Variants in FBXL20 observed in about 807,000 individuals in gnomAD.
FBXL20 encodes F-box/LRR-repeat protein 20.
In FBXL20, 11 loss-of-function variants were observed where a neutral mutation model predicts 64.0. That is an observed-to-expected ratio of 0.17 (90% CI 0.11 to 0.28). FBXL20 has a LOEUF of 0.28. FBXL20 is among the 10% of genes least tolerant of loss of function. The probability of loss-of-function intolerance (pLI) is 1.00; values close to 1 mark genes in which losing one functional copy is unlikely to be tolerated. For synonymous variants in FBXL20, 184 were observed against 189.0 expected (o/e 0.97, Z 0.22); for missense variants, 303 against 526.2 (o/e 0.58, Z 4.15).
At chr17:39,304,346 G>C (rs550082692) in intron 2 of FBXL20, among the ~76,000 whole-genome samples, 4 of 152,152 alleles carry the variant, frequency 2.6e-5, no homozygotes, top group Non-Finnish European at 5.9e-5. Context: ...TGAGTGCAGT[G>C]GCACAATCAC....
intron 9 of FBXL20, among the ~76,000 whole-genome samples, chr17:39,276,748 CAACT>C (rs948750008): frequency 3.3e-5 from 5 of 152,078 alleles, no homozygotes; most frequent in African/African-American, 1.2e-4. Context: ...GTTTTCTAAC[CAACT>C]GAGTAATTTG....
chr17:39,340,667 A>G (rs2047573731), intron 2 of FBXL20, among the ~76,000 whole-genome samples: 3 of 152,128 alleles, frequency 2.0e-5, no homozygotes, highest in Admixed American at 6.6e-5. Flanking sequence ...GTATGACACT[A>G]TTTCAAAATG....
chr17:39,307,442 G>A (rs1175596250), intron 2 of FBXL20, among the ~76,000 whole-genome samples: 1 of 152,146 alleles, frequency 6.6e-6, no homozygotes, highest in African/African-American at 2.4e-5. Flanking sequence ...ACGAAATAGT[G>A]GGTGTATGAC....
intron 1 of FBXL20, among the ~76,000 whole-genome samples, chr17:39,377,913 T>G (rs2047983670): frequency 6.6e-6 from 1 of 152,136 alleles, no homozygotes; most frequent in African/African-American, 2.4e-5. Context: ...CACAGGAGGA[T>G]GAGGTGGTAG....
At chr17:39,358,187 GAGGC>G (rs2047760625) in intron 1 of FBXL20, among the ~76,000 whole-genome samples, 1 of 152,174 alleles carries the variant, frequency 6.6e-6, no homozygotes, top group African/African-American at 2.4e-5. Context: ...AGCTCAAGGA[GAGGC>G]AGTATTCTCC....
rs1482354674 is a variant in FBXL20, at chr17:39,295,585, C to A, written c.398+1542G>T. Among the ~76,000 whole-genome samples, 4 of 152,058 alleles carry A rather than the reference C, an allele frequency of 2.6e-5. No individual in the cohort carries two copies. The East Asian group carries it at 7.7e-4, about 29-fold the overall frequency. On this transcript the variant is annotated intron_variant, in intron 6 of 14. Coordinates refer to ENST00000264658, the MANE Select transcript of FBXL20 (RefSeq NM_032875.3). The stretch of plus-strand genomic sequence containing the variant: ...ATGTGTTTTTAATTTGTAGGGATTG[C>A]TTTCATTTCTTTTTGACTTAATTTT...
chr17:39,352,047 G>A (rs767445954), intron 1 of FBXL20, among the ~76,000 whole-genome samples: 8 of 152,260 alleles, frequency 5.3e-5, no homozygotes, highest in Non-Finnish European at 1.0e-4. Flanking sequence ...GTGTGTGCAC[G>A]CGCGTGCACG....
chr17:39,384,666 A>G (rs1245649806), intron 1 of FBXL20, among the ~76,000 whole-genome samples: 3 of 152,196 alleles, frequency 2.0e-5, no homozygotes, highest in Admixed American at 6.5e-5. Flanking sequence ...GAAATAGATT[A>G]CATAATTTGG....
At chr17:39,325,669 G>C (rs1254728503) in intron 2 of FBXL20, among the ~76,000 whole-genome samples, 1 of 152,116 alleles carries the variant, frequency 6.6e-6, no homozygotes, top group East Asian at 1.9e-4. Context: ...ATTGTAGAGA[G>C]ATCCAATGTG....
chr17:39,350,518 C>CCCA (rs2047678009), intron 1 of FBXL20, among the ~76,000 whole-genome samples: 1 of 101,774 alleles, frequency 9.8e-6, no homozygotes, highest in East Asian at 2.5e-4. Flanking sequence ...AAAAAAGAAG[C>CCCA]AAAAAAAAAA....
chr17:39,271,597 CAAAAAAAAAAAAA>C lies in FBXL20; in HGVS notation c.828-754_828-742del, dbSNP rs11362087. 2.2e-3 allele frequency among the ~76,000 whole-genome samples: 114 copies of C among 50,790 alleles called. 1 individual carries two copies. Among genetic ancestry groups the C allele is most frequent in the African/African-American group, 9.0e-3 (104 of 11,524 alleles). 33.3% of individuals were successfully genotyped at this position (50,790 alleles called of 152,430 possible). ...TGGGTGACAGAGCAAGGCTCCGACT[CAAAAAAAAAAAAA>C]AAAAAAAAAAAAAAGGTGGGGGGGA... On this transcript the variant is annotated intron_variant, in intron 10 of 14. Transcript: ENST00000264658.
intron 9 of FBXL20, among the ~76,000 whole-genome samples, chr17:39,277,549 G>C (rs867500894): frequency 9.2e-5 from 14 of 151,992 alleles, no homozygotes; most frequent in South Asian, 8.3e-4. Flanking sequence ...TTGAGGTCAG[G>C]AGTCTGAGAC....
At chr17:39,366,519 A>G (rs2047861287) in intron 1 of FBXL20, among the ~76,000 whole-genome samples, 1 of 152,052 alleles carries the variant, frequency 6.6e-6, no homozygotes, top group Non-Finnish European at 1.5e-5. Flanking sequence ...ATATTGTCTC[A>G]CTTGCTTTTT....
chr17:39,314,822 GTCTCAC>G (rs1188600061), intron 2 of FBXL20, among the ~76,000 whole-genome samples: 1 of 140,912 alleles, frequency 7.1e-6, no homozygotes, highest in African/African-American at 2.7e-5. Context: ...TTGAAATGGA[GTCTCAC>G]TCTGTGTTGC....
chr17:39,367,081 C>T (rs1450107721), intron 1 of FBXL20, among the ~76,000 whole-genome samples: 3 of 151,460 alleles, frequency 2.0e-5, no homozygotes, highest in Non-Finnish European at 2.9e-5. Context: ...GACGGGGTTT[C>T]GGCGTGTTAG....
intron 6 of FBXL20, among the ~76,000 whole-genome samples, chr17:39,295,761 T>C (rs1275914585): frequency 7.1e-6 from 1 of 139,952 alleles, no homozygotes. Context: ...TTTCCATTCT[T>C]TTTGAAAATA....
chr17:39,298,851 C>T, intron 5 of FBXL20, 139 bp downstream of exon 5: 2 of 672,778 alleles, frequency 3.0e-6, no homozygotes, highest in Non-Finnish European at 5.1e-6. Context: ...TTTCTTATTA[C>T]TGGATATTTT....
chr17:39,297,131 C>T lies in FBXL20; in HGVS notation c.394G>A (p.Asp132Asn), dbSNP rs2047093580. 3 of 1,605,694 alleles carry T rather than the reference C, an allele frequency of 1.9e-6. No homozygotes were observed. Among genetic ancestry groups the T allele is most frequent in the Non-Finnish European group, 2.6e-6 (3 of 1,174,256 alleles). The change falls in exon 6 of 15, where the codon GAC becomes AAC. Residue 132 changes from aspartate (D) to asparagine (N), a missense_variant. Physicochemically the swap from Asp to Asn is conservative, Grantham distance 23 (BLOSUM62 1). Around this residue, in one of 3 missense-constraint regions of FBXL20, gnomAD observed 246 missense variants for 422.6 expected, o/e 0.58. Coordinates refer to ENST00000264658, the MANE Select transcript of FBXL20 (RefSeq NM_032875.3). Reference sequence around the variant, plus strand: ...CCAAAAACATAAAATACTTACGCGTCTGTTGTCTTTGTACACCCATTTAGA... The same window carrying T: ...CCAAAAACATAAAATACTTACGCGTTTGTTGTCTTTGTACACCCATTTAGA... ...LNLNGCTKTTDATCTSLSKFC... is the reference protein window; with the variant it reads ...LNLNGCTKTTNATCTSLSKFC...
rs531960977 is a variant in FBXL20, at chr17:39,319,738, G to GAAA, written c.105-16102_105-16100dup. ...AACTGGGAGGAGGTAGTGAAGGCCAGAAAAAAAAAAAAAATAGAACAGCAG... is the reference window on the plus strand; with the variant it reads ...AACTGGGAGGAGGTAGTGAAGGCCAGAAAAAAAAAAAAAAAAATAGAACAGCAG... On this transcript the variant is annotated intron_variant, in intron 2 of 14. Coordinates refer to ENST00000264658, the MANE Select transcript of FBXL20 (RefSeq NM_032875.3). 6.2e-5 allele frequency among the ~76,000 whole-genome samples: 7 copies of GAAA among 113,584 alleles called. No individual in the cohort carries two copies. The South Asian group carries it at 2.0e-3, about 32-fold the overall frequency. 74.5% of individuals were successfully genotyped at this position (113,584 alleles called of 152,430 possible).
Sources: allele counts gnomAD v4.1 joint callset (sites outside exome capture counted in the v4.1 genomes callset), GRCh38; gene constraint gnomAD v4.1.1; regional missense constraint gnomAD v4.1.1; transcripts MANE v1.5; gene names NCBI Gene and HGNC (gene_info 2026-07-23, HGNC 2026-07-21).